Variants in ZNF230 observed in about 807,000 individuals in gnomAD.
ZNF230 encodes the protein zinc finger protein FDZF2.
ZNF230 carries 12 observed loss-of-function variants against 10.0 expected under a neutral mutation model. That is an observed-to-expected ratio of 1.20 (90% confidence interval 0.77 to 1.95). The LOEUF (loss-of-function observed/expected upper bound fraction) is 1.95. Among genes scored for constraint, ZNF230 ranks in the 30% most tolerant of loss-of-function variants. The pLI, the probability that ZNF230 is intolerant of heterozygous loss-of-function variation, is 0.00. For missense variants in ZNF230, 532 were observed against 565.8 expected (o/e 0.94, Z 0.61); for synonymous variants, 174 against 193.6 (o/e 0.90, Z 0.84).
chr19:44,005,070 C>A (rs1003484317), intron 1 of ZNF230, among the ~76,000 whole-genome samples: 1 of 149,984 alleles, frequency 6.7e-6, no homozygotes, highest in African/African-American at 2.5e-5. Context: ...TTGCAGTGAG[C>A]GAGATCGCGC....
chr19:44,011,454 A>G lies in ZNF230; in HGVS notation c.1415A>G (p.Asn472Ser). ...GATATAATTTTATCATTATTTTTAA[A>G]TGATATGTAAGTTGTACATATATAT... ...NLDIILSLFL[N>S]DM Residue 472 changes from asparagine to serine, a missense_variant, in exon 5 of 5, where the codon AAT (asparagine) becomes AGT (serine). Physicochemically the swap from Asn to Ser is conservative, Grantham distance 46. Coordinates refer to ENST00000429154, the MANE Select transcript of ZNF230 (RefSeq NM_006300.4). 6.3e-7 allele frequency: 1 copy of G among 1,587,410 alleles called. No homozygotes were observed. Among genetic ancestry groups the G allele is most frequent in the Non-Finnish European group, 8.5e-7 (1 of 1,169,618 alleles).
In ZNF230 at chr19:44,010,676, A is replaced by C; in HGVS notation, c.637A>C (p.Thr213Pro). ...KEFSQSSCLQ[T>P]RERVHTGEKP... ...ATTCAGTCAGAGCTCATGTCTGCAA[A>C]CTCGTGAGAGAGTCCACACTGGAGA... Residue 213 changes from threonine (T) to proline (P), a missense_variant, in exon 5 of 5, where the codon ACT (threonine) becomes CCT (proline). Thr to Pro is a conservative substitution (Grantham distance 38, BLOSUM62 -1). Transcript: ENST00000429154. 2 of 1,614,226 alleles carry C rather than the reference A, an allele frequency of 1.2e-6. No homozygotes were observed. Among genetic ancestry groups the C allele is most frequent in the Non-Finnish European group, 1.7e-6 (2 of 1,180,038 alleles).
rs896973237 is a variant in ZNF230, at chr19:44,013,346, G to A, written c.*1882G>A. The A allele has an allele frequency of 1.3e-5, 2 of 152,154 alleles. No individual in the cohort carries two copies. Among genetic ancestry groups the A allele is most frequent in the South Asian group, 2.1e-4 (1 of 4,834 alleles). The allele number at this position is 152,154 out of a possible 1,614,324, so 9.4% of individuals were successfully genotyped here. On this transcript the variant is annotated 3_prime_UTR_variant, in exon 5 of 5. Transcript: ENST00000429154. ...ATGAAATGTATCCATGATTGGGGTA[G>A]GAGTGACATTTACATGCTCTTCTTT... is the stretch of plus-strand genomic sequence containing the variant.
At position 44,010,262 on chromosome 19, in the gene ZNF230, C is replaced by T. The variant is rs995463501; in HGVS notation, c.230-7C>T. ...TGTCCACATCTCTTCATTCTGTGTCCTTATAGGCGGCAAGACTATTGCGGA... is the reference window on the plus strand; with the variant it reads ...TGTCCACATCTCTTCATTCTGTGTCTTTATAGGCGGCAAGACTATTGCGGA... On this transcript the variant is annotated splice_polypyrimidine_tract_variant and splice_region_variant and intron_variant, in intron 4 of 4. Coordinates refer to ENST00000429154, the MANE Select transcript of ZNF230 (RefSeq NM_006300.4). 1.3e-6 allele frequency: 2 copies of T among 1,593,930 alleles called. No homozygotes were observed. The highest frequency in any genetic ancestry group is 1.7e-6 in the Non-Finnish European group (2 of 1,169,212).
In ZNF230 at chr19:44,010,750, G is replaced by A. The variant is rs375662779; in HGVS notation, c.711G>A (p.Ala237=). ...GTGGGAAAGGCTTCAGATGTAGAGC[G>A]ATACTTCAAGTTCACTGCAAATTAC... ...EQCGKGFRCR[A]ILQVHCKLHT... is the part of the protein sequence containing the mutation. The change falls in exon 5 of 5, where the codon GCG becomes GCA. Residue 237 remains alanine, a synonymous_variant. Transcript: ENST00000429154. The A allele has an allele frequency of 1.5e-4, 249 of 1,614,130 alleles. No individual in the cohort carries two copies. Among genetic ancestry groups the A allele is most frequent in the Non-Finnish European group, 1.9e-4 (228 of 1,180,016 alleles).
rs1976170972 is a variant in ZNF230, at chr19:44,010,694, A to G, written c.655A>G (p.Thr219Ala). The change falls in exon 5 of 5, where the codon ACT (threonine) becomes GCT (alanine). Residue 219 changes from threonine to alanine, a missense_variant. By Grantham distance (58) the Thr-to-Ala change is moderately conservative. Coordinates refer to ENST00000429154, the MANE Select transcript of ZNF230 (RefSeq NM_006300.4). ...TCTGCAAACTCGTGAGAGAGTCCAC[A>G]CTGGAGAGAAACCATTCAAATGTGA... ...SCLQTRERVH[T>A]GEKPFKCEQC... is the part of the protein sequence containing the mutation. 6.2e-7 allele frequency: 1 copy of G among 1,614,138 alleles called. No individual in the cohort carries two copies. The highest frequency in any genetic ancestry group is 1.7e-5 in the Admixed American group (1 of 60,016).
intron 4 of ZNF230, 62 bp from the exon 5 acceptor site, chr19:44,010,207 A>G (rs1976161857): frequency 6.9e-7 from 1 of 1,458,400 alleles, no homozygotes; most frequent in Admixed American, 2.3e-5. Flanking sequence ...TAAGTGTGAA[A>G]TCTTAAAAAC....
Position 44,008,825 on chromosome 19 carries a change from C to T in ZNF230, c.51C>T (p.Phe17=). Reference sequence around the variant, plus strand: ...CCTTCAAGGATGTGGCTGTGTTCTTCACTGAGGAGGAACTGGGGCTACTGG... The same window carrying T: ...CCTTCAAGGATGTGGCTGTGTTCTTTACTGAGGAGGAACTGGGGCTACTGG... The part of the protein sequence containing the change: ...AVTFKDVAVF[F]TEEELGLLDP... Residue 17 remains phenylalanine, a synonymous_variant, in exon 3 of 5, where the codon TTC becomes TTT. Transcript: ENST00000429154. The T allele has an allele frequency of 6.2e-7, 1 of 1,614,102 alleles. No homozygotes were observed.
In ZNF230 at chr19:44,010,654, C is replaced by G. The variant is rs1976170145; in HGVS notation, c.615C>G (p.Phe205Leu). Residue 205 changes from phenylalanine to leucine, a missense_variant, in exon 5 of 5, where the codon TTC becomes TTG. By Grantham distance (22) the Phe-to-Leu change is conservative. Coordinates refer to ENST00000429154, the MANE Select transcript of ZNF230 (RefSeq NM_006300.4). ...AGTGTGACATGCGTGGTAAGGAATT[C>G]AGTCAGAGCTCATGTCTGCAAACTC... The part of the protein sequence containing the change: ...LSKCDMRGKE[F>L]SQSSCLQTRE... 6.2e-7 allele frequency: 1 copy of G among 1,614,100 alleles called. No individual in the cohort carries two copies. Among genetic ancestry groups the G allele is most frequent in the Non-Finnish European group, 8.5e-7 (1 of 1,180,048 alleles).
In ZNF230 at chr19:44,010,344, A is replaced by T; in HGVS notation, c.305A>T (p.Asp102Val). 6.2e-7 allele frequency: 1 copy of T among 1,614,248 alleles called. No individual in the cohort carries two copies. Among genetic ancestry groups the T allele is most frequent in the South Asian group, 1.1e-5 (1 of 91,090 alleles). Residue 102 changes from aspartate (D) to valine (V), a missense_variant, in exon 5 of 5, where the codon GAC (aspartate) becomes GTC (valine). Transcript: ENST00000429154. ...CQQIWEQTAS[D>V]LTQSQDSIIN... ...CAAATCTGGGAACAAACTGCAAGTG[A>T]CTTAACCCAGTCTCAAGACTCCATC...
Position 44,009,345 on chromosome 19 carries a change from T to A in ZNF230, c.229+175T>A, listed in dbSNP as rs1459160597. On this transcript the variant is annotated intron_variant, in intron 4 of 4. Transcript: ENST00000429154. The stretch of plus-strand genomic sequence containing the variant: ...CCTCCCTTCCACCCTGACATCTATT[T>A]TCCCCCGAGCAGCCAAAATGATCCT... The A allele has an allele frequency of 2.1e-5, 15 of 700,784 alleles. No individual in the cohort carries two copies. In the East Asian group the frequency reaches 4.1e-4, roughly 19 times the overall value. The allele number at this position is 700,784 out of a possible 1,614,324, so 43.4% of individuals were successfully genotyped here.
chr19:44,003,871 A>G (rs1976094013), intron 1 of ZNF230: 1 of 152,764 alleles, frequency 6.5e-6, no homozygotes, highest in African/African-American at 2.4e-5. Flanking sequence ...CTTTATACAA[A>G]TAAATTTAGG....
chr19:44,008,909 G>C lies in ZNF230; in HGVS notation c.135G>C (p.Leu45=). ...TGCTTGAGAACTTCACGAACCTGCTGTCAGTGGGTGAGCACAGGCACCCTC... is the reference window on the plus strand; with the variant it reads ...TGCTTGAGAACTTCACGAACCTGCTCTCAGTGGGTGAGCACAGGCACCCTC... ...DVMLENFTNL[L]SVGHQPFHPF... The change falls in exon 3 of 5, where the codon CTG becomes CTC. Residue 45 remains leucine (L), a synonymous_variant. Coordinates refer to ENST00000429154, the MANE Select transcript of ZNF230 (RefSeq NM_006300.4). 1 of 1,613,926 alleles carries C rather than the reference G, an allele frequency of 6.2e-7. No homozygotes were observed.
chr19:44,007,791 GC>G (rs1217716543), intron 2 of ZNF230, among the ~76,000 whole-genome samples: 2 of 151,952 alleles, frequency 1.3e-5, no homozygotes, highest in Non-Finnish European at 2.9e-5. Context: ...TCCAGCCTGC[GC>G]CCCCAGGCTG....
chr19:44,006,519 A>G (rs992821978), intron 1 of ZNF230, among the ~76,000 whole-genome samples: 2 of 152,244 alleles, frequency 1.3e-5, no homozygotes, highest in Non-Finnish European at 2.9e-5. Flanking sequence ...TTTCAGGAGT[A>G]CAGTGATCTT....
intron 3 of ZNF230, 57 bp downstream of exon 3, chr19:44,008,973 C>G (rs1976147239): frequency 1.9e-6 from 3 of 1,606,110 alleles, no homozygotes; most frequent in South Asian, 1.1e-5. Context: ...GCTTTGTATC[C>G]TAGAGTATTC....
chr19:44,003,756 C>A, intron 1 of ZNF230: 1 of 209,264 alleles, frequency 4.8e-6, no homozygotes. Context: ...TGTGATTGGT[C>A]CTTGGCTTTT....
At position 44,010,602 on chromosome 19, in the gene ZNF230, G is replaced by C; in HGVS notation, c.563G>C (p.Arg188Thr). 1 of 1,614,228 alleles carries C rather than the reference G, an allele frequency of 6.2e-7. No individual in the cohort carries two copies. Among genetic ancestry groups the C allele is most frequent in the Non-Finnish European group, 8.5e-7 (1 of 1,180,042 alleles). Reference protein sequence around the residue: ...CYISALRIHQRVHLREKLSKC... With the variant: ...CYISALRIHQTVHLREKLSKC... The stretch of plus-strand genomic sequence containing the variant: ...ATCTCAGCTCTTCGTATTCACCAGA[G>C]AGTTCACTTGAGAGAGAAACTCTCT... Residue 188 changes from arginine (R) to threonine (T), a missense_variant, in exon 5 of 5, where the codon AGA (arginine) becomes ACA (threonine). Arg to Thr is a moderately conservative substitution (Grantham distance 71). Transcript: ENST00000429154.
rs1176360820 is a variant in ZNF230, at chr19:44,010,647, A to T, written c.608A>T (p.Lys203Met). Residue 203 changes from lysine (K) to methionine (M), a missense_variant, in exon 5 of 5, where the codon AAG (lysine) becomes ATG (methionine). Coordinates refer to ENST00000429154, the MANE Select transcript of ZNF230 (RefSeq NM_006300.4). ...EKLSKCDMRGKEFSQSSCLQT... is the reference protein window; with the variant it reads ...EKLSKCDMRGMEFSQSSCLQT... The stretch of plus-strand genomic sequence containing the variant: ...CTCTCTAAGTGTGACATGCGTGGTA[A>T]GGAATTCAGTCAGAGCTCATGTCTG... 6.2e-7 allele frequency: 1 copy of T among 1,614,258 alleles called. No individual in the cohort carries two copies. The highest frequency in any genetic ancestry group is 8.5e-7 in the Non-Finnish European group (1 of 1,180,038).
Sources: allele counts gnomAD v4.1 joint callset (sites outside exome capture counted in the v4.1 genomes callset), GRCh38; gene constraint gnomAD v4.1.1; transcripts MANE v1.5; gene names NCBI Gene and HGNC (gene_info 2026-07-23, HGNC 2026-07-21).